SOS2: variants seen among roughly 807,000 people sequenced by gnomAD.
SOS2 encodes son of sevenless homolog 2.
SOS2 carries 65 observed loss-of-function variants against 148.2 expected under a neutral mutation model. The observed-to-expected ratio is 0.44, with a 90% CI of 0.36 to 0.54. The LOEUF (loss-of-function observed/expected upper bound fraction) is 0.54, where lower values mean the gene tolerates loss of function less well. Among genes scored for constraint, SOS2 ranks in the 20% least tolerant of loss-of-function variants. SOS2 has a pLI of 0.00. For synonymous variants in SOS2, 539 were observed against 537.1 expected (o/e 1.00, Z -0.05); for missense variants, 1,341 against 1,590.2 (o/e 0.84, Z 2.67).
chr14:50,166,634 T>C (rs1036022362), intron 8 of SOS2, among the ~76,000 whole-genome samples: 8 of 152,200 alleles, frequency 5.3e-5, no homozygotes, highest in African/African-American at 1.9e-4. Flanking sequence ...TAAGATTTTA[T>C]ATTTCATGTA....
chr14:50,160,379 C>A (rs1393962801), intron 9 of SOS2, among the ~76,000 whole-genome samples: 1 of 78,928 alleles, frequency 1.3e-5, no homozygotes, highest in Non-Finnish European at 2.4e-5. Context: ...CAATGCTAAT[C>A]TTTTTTTTTT....
At chr14:50,138,865 T>A (rs901268137) in intron 17 of SOS2, 81 bp from the exon 18 acceptor site, 2 of 573,626 alleles carry the variant, frequency 3.5e-6, no homozygotes, top group African/African-American at 3.9e-5. Flanking sequence ...AAACAACTGA[T>A]CTAGTAAAGT....
At chr14:50,122,521 C>A (rs918885345) in intron 21 of SOS2, among the ~76,000 whole-genome samples, 1 of 149,952 alleles carries the variant, frequency 6.7e-6, no homozygotes, top group African/African-American at 2.5e-5. Context: ...TTCCTCTAGG[C>A]TTCCAAGTAT....
chr14:50,144,482 G>A (rs1338181010), intron 16 of SOS2, among the ~76,000 whole-genome samples: 1 of 152,000 alleles, frequency 6.6e-6, no homozygotes, highest in Non-Finnish European at 1.5e-5. Context: ...GTGTCGCCCA[G>A]CCTGGAGTGC....
intron 7 of SOS2, among the ~76,000 whole-genome samples, chr14:50,179,678 T>C (rs943520665): frequency 9.2e-5 from 14 of 152,194 alleles, no homozygotes; most frequent in African/African-American, 3.1e-4. Flanking sequence ...AAAGTCAGTT[T>C]AGATGTAGAA....
chr14:50,126,378 C>T (rs975728019), intron 21 of SOS2, among the ~76,000 whole-genome samples: 4 of 152,132 alleles, frequency 2.6e-5, no homozygotes, highest in Admixed American at 6.5e-5. Flanking sequence ...AAAGTCTCCC[C>T]TTTCCTGGTC....
rs773518472 is a variant in SOS2 at position 50,140,059 on chromosome 14, C to T, written c.2668G>A (p.Ala890Thr). Residue 890 changes from alanine to threonine, a missense_variant and splice_region_variant, in exon 17 of 23, where the codon GCA becomes ACA. By Grantham distance (58) the Ala-to-Thr change is moderately conservative. Transcript: ENST00000216373. ...SVYRLDHTFEALQERKRKILD... is the reference protein window; with the variant it reads ...SVYRLDHTFETLQERKRKILD... ...ATTTTCCTTTTCCTTTCCTGCAGTG[C>T]CTTAAAGTATACATAAATTGAGTAT... The T allele has an allele frequency of 7.2e-7, 1 of 1,387,718 alleles. No individual in the cohort carries two copies. The highest frequency in any genetic ancestry group is 2.3e-5 in the East Asian group (1 of 43,600). The allele number at this position is 1,387,718 out of a possible 1,614,324, so 86.0% of individuals were successfully genotyped here.
chr14:50,172,417 T>C (rs1885392489), intron 8 of SOS2, among the ~76,000 whole-genome samples: 1 of 126,362 alleles, frequency 7.9e-6, no homozygotes, highest in South Asian at 2.5e-4. Context: ...CTTTATTCAT[T>C]CCTTTTTTTT....
chr14:50,221,185 A>C (rs1595036499), intron 1 of SOS2, among the ~76,000 whole-genome samples: 1 of 152,270 alleles, frequency 6.6e-6, no homozygotes, highest in Non-Finnish European at 1.5e-5. Context: ...AAATTGCAGC[A>C]GACAACAAAG....
chr14:50,189,888 AC>A (rs1480762991), intron 4 of SOS2, among the ~76,000 whole-genome samples: 7 of 149,066 alleles, frequency 4.7e-5, no homozygotes, highest in African/African-American at 1.7e-4. Flanking sequence ...TTGCTCTCTC[AC>A]CCAGGCTGGA....
chr14:50,230,867 C>CT (rs1887518132), intron 1 of SOS2: 1 of 1,020,006 alleles, frequency 9.8e-7, no homozygotes, highest in Admixed American at 5.7e-5. Context: ...GTTTTAGAAA[C>CT]TGTCTAAATA....
At chr14:50,227,781 T>C (rs1294829151) in intron 1 of SOS2, among the ~76,000 whole-genome samples, 1 of 152,182 alleles carries the variant, frequency 6.6e-6, no homozygotes, top group African/African-American at 2.4e-5. Flanking sequence ...TAAAAATCCC[T>C]TGAATTTTCA....
chr14:50,216,236 A>G (rs1472421583), intron 1 of SOS2, among the ~76,000 whole-genome samples: 1 of 151,776 alleles, frequency 6.6e-6, no homozygotes, highest in African/African-American at 2.4e-5. Context: ...AGCTGGGACT[A>G]CAGGTGTGCA....
chr14:50,224,364 C>CACACACACACACAT (rs1339727223), intron 1 of SOS2, among the ~76,000 whole-genome samples: 2 of 109,318 alleles, frequency 1.8e-5, no homozygotes, highest in Non-Finnish European at 3.8e-5. Flanking sequence ...CACACACACA[C>CACACACACACACAT]ATATATATAA....
intron 8 of SOS2, among the ~76,000 whole-genome samples, chr14:50,167,266 C>T (rs1260999327): frequency 2.0e-5 from 3 of 151,920 alleles, no homozygotes; most frequent in African/African-American, 7.3e-5. Context: ...AGATTTCTTT[C>T]AATAGAGATT....
chr14:50,192,101 G>T (rs1387601621), intron 4 of SOS2, among the ~76,000 whole-genome samples: 1 of 143,808 alleles, frequency 7.0e-6, no homozygotes, highest in Non-Finnish European at 1.5e-5. Context: ...GCAGTGAGCC[G>T]TGTTCACACC....
rs10599812 is a variant in SOS2 at position 50,189,061 on chromosome 14, TCACACA to T, written c.511-367_511-362del. ...GCCTGGGCGACAGAGCGAGACTCCA[TCACACA>T]CACACACACACACACACACACACAC... On this transcript the variant is annotated intron_variant, in intron 4 of 22. Transcript: ENST00000216373. Among the ~76,000 whole-genome samples, 156 of 128,764 alleles carry T rather than the reference TCACACA, an allele frequency of 1.2e-3. 2 individuals carry two copies. The East Asian group carries it at 0.016, about 13-fold the overall frequency. 84.5% of individuals were successfully genotyped at this position (128,764 alleles called of 152,430 possible). A position where few individuals can be genotyped will look rare whatever the true frequency, so the allele number is the denominator to read the frequency against.
At chr14:50,173,431 T>A (rs1375846107) in intron 8 of SOS2, among the ~76,000 whole-genome samples, 3 of 152,108 alleles carry the variant, frequency 2.0e-5, no homozygotes, top group Non-Finnish European at 4.4e-5. Flanking sequence ...CTTTTTTTTT[T>A]ATTTTTTTGA....
At chr14:50,165,174 T>C (rs1165504154) in intron 8 of SOS2, among the ~76,000 whole-genome samples, 1 of 152,210 alleles carries the variant, frequency 6.6e-6, no homozygotes, top group Non-Finnish European at 1.5e-5. Context: ...AATCACAGTA[T>C]AGTGATCAAC....
Sources: allele counts gnomAD v4.1 joint callset (sites outside exome capture counted in the v4.1 genomes callset), GRCh38; gene constraint gnomAD v4.1.1; transcripts MANE v1.5; gene names NCBI Gene and HGNC (gene_info 2026-07-23, HGNC 2026-07-21).